Variants in MEGF11 observed in about 807,000 individuals in gnomAD.
The protein encoded by MEGF11 is multiple epidermal growth factor-like domains protein 11.
Under a neutral mutation model 146.6 loss-of-function variants are expected in MEGF11, and 126 were observed. That is an observed-to-expected ratio of 0.86 (90% CI 0.74 to 1.00). The LOEUF (loss-of-function observed/expected upper bound fraction) is 1.00. Among genes scored for constraint, MEGF11 ranks in the 50% least tolerant of loss-of-function variants. MEGF11 has a pLI of 0.00. For missense variants in MEGF11, 1,509 were observed against 1,521.2 expected (o/e 0.99, Z 0.13); for synonymous variants, 532 against 583.4 (o/e 0.91, Z 1.27).
intron 1 of MEGF11, among the ~76,000 whole-genome samples, chr15:66,147,145 C>T (rs149625189): frequency 6.6e-6 from 1 of 152,294 alleles, no homozygotes; most frequent in East Asian, 1.9e-4. Flanking sequence ...TGCTCCAAAG[C>T]CCCAGTCTAA....
At chr15:66,090,955 G>A (rs2086295494) in intron 5 of MEGF11, among the ~76,000 whole-genome samples, 1 of 152,214 alleles carries the variant, frequency 6.6e-6, no homozygotes, top group Non-Finnish European at 1.5e-5. Flanking sequence ...CCAAATGCCA[G>A]CAGTGGTTAT....
chr15:65,916,553 C>T (rs1427396732), intron 17 of MEGF11: 3 of 665,670 alleles, frequency 4.5e-6, no homozygotes, highest in Non-Finnish European at 7.7e-6. Flanking sequence ...CCACTCTGGG[C>T]CCCACTGTCC....
intron 4 of MEGF11, among the ~76,000 whole-genome samples, chr15:66,109,022 C>G (rs753424326): frequency 6.6e-6 from 1 of 152,196 alleles, no homozygotes; most frequent in East Asian, 1.9e-4. Flanking sequence ...GATTAAGAAG[C>G]GATGCCTCAA....
chr15:65,962,440 G>A (rs531664893), intron 9 of MEGF11, among the ~76,000 whole-genome samples: 7 of 152,188 alleles, frequency 4.6e-5, no homozygotes, highest in Admixed American at 2.0e-4. Context: ...TAGAGGCCAG[G>A]GATGCTGCTC....
Position 66,052,563 on chromosome 15 carries a change from T to A in MEGF11, c.394+41839A>T, listed in dbSNP as rs183198311. On this transcript the variant is annotated intron_variant, in intron 5 of 25. Transcript: ENST00000395614. The stretch of plus-strand genomic sequence containing the variant: ...CCCCTGTCTATTCCAGGCCTGCCTG[T>A]TCTTCAAAGCCCAGATCAAATCATG... Among the ~76,000 whole-genome samples the A allele has an allele frequency of 2.0e-3, 308 of 152,312 alleles. 4 individuals carry two copies. Among genetic ancestry groups the A allele is most frequent in the African/African-American group, 6.8e-3 (281 of 41,550 alleles).
At chr15:65,970,482 C>T in intron 8 of MEGF11, 71 bp downstream of exon 8, 1 of 1,518,536 alleles carries the variant, frequency 6.6e-7, no homozygotes, top group Non-Finnish European at 9.0e-7. Context: ...GGGCTATGAG[C>T]TGTTCTCTGC....
At chr15:66,068,345 G>T (rs1235554822) in intron 5 of MEGF11, among the ~76,000 whole-genome samples, 14 of 152,142 alleles carry the variant, frequency 9.2e-5, no homozygotes, top group Admixed American at 9.2e-4. Context: ...CCTTGTGTGG[G>T]CTGTCCTGCA....
At chr15:66,021,625 C>T (rs1303133110) in intron 5 of MEGF11, among the ~76,000 whole-genome samples, 5 of 152,164 alleles carry the variant, frequency 3.3e-5, no homozygotes, top group African/African-American at 1.2e-4. Context: ...ATTCAGCAGC[C>T]AGTGCCCGGG....
At chr15:66,250,122 C>G (rs1299854522) in intron 1 of MEGF11, among the ~76,000 whole-genome samples, 2 of 152,186 alleles carry the variant, frequency 1.3e-5, no homozygotes, top group Non-Finnish European at 2.9e-5. Flanking sequence ...GGATACCTAG[C>G]AAGATCATAG....
chr15:66,123,851 A>G, intron 3 of MEGF11, 48 bp downstream of exon 3: 1 of 1,498,722 alleles, frequency 6.7e-7, no homozygotes, highest in Non-Finnish European at 9.3e-7. Context: ...GCAAGCCCTG[A>G]GAGCCCAGTG....
intron 1 of MEGF11, among the ~76,000 whole-genome samples, chr15:66,154,303 C>CGCTG (rs962973175): frequency 6.6e-6 from 1 of 151,924 alleles, no homozygotes. Context: ...ACCTCGCGCT[C>CGCTG]GCCCACACTC....
At chr15:65,959,612 ATCCT>A (rs2141511662) in intron 9 of MEGF11, among the ~76,000 whole-genome samples, 1 of 152,362 alleles carries the variant, frequency 6.6e-6, no homozygotes, top group Non-Finnish European at 1.5e-5. Flanking sequence ...CTAAGACTCT[ATCCT>A]AAGGAAATAA....
chr15:66,090,791 A>G (rs2086288840), intron 5 of MEGF11, among the ~76,000 whole-genome samples: 1 of 152,258 alleles, frequency 6.6e-6, no homozygotes, highest in Non-Finnish European at 1.5e-5. Flanking sequence ...GAGGAGATTC[A>G]CGTTTATTAA....
chr15:66,049,563 C>T (rs1341552930), intron 5 of MEGF11, among the ~76,000 whole-genome samples: 1 of 152,184 alleles, frequency 6.6e-6, no homozygotes, highest in Non-Finnish European at 1.5e-5. Context: ...CCACCCCATG[C>T]CATTTGCATA....
chr15:66,003,903 C>T (rs1488690603), intron 5 of MEGF11, among the ~76,000 whole-genome samples: 1 of 152,230 alleles, frequency 6.6e-6, no homozygotes, highest in Non-Finnish European at 1.5e-5. Context: ...TCCTGCTCCA[C>T]TCTGTCCCAT....
chr15:66,038,983 T>G (rs1309234645), intron 5 of MEGF11, among the ~76,000 whole-genome samples: 1 of 152,174 alleles, frequency 6.6e-6, no homozygotes, highest in African/African-American at 2.4e-5. Flanking sequence ...GGAATGGTTC[T>G]CAAATTACAG....
intron 1 of MEGF11, among the ~76,000 whole-genome samples, chr15:66,226,357 C>G (rs2140181691): frequency 6.6e-6 from 1 of 152,262 alleles, no homozygotes; most frequent in East Asian, 1.9e-4. Flanking sequence ...AAGTGATTCT[C>G]CTGCCTCAGC....
At chr15:66,217,221 A>G (rs1277212295) in intron 1 of MEGF11, among the ~76,000 whole-genome samples, 1 of 152,238 alleles carries the variant, frequency 6.6e-6, no homozygotes, top group Non-Finnish European at 1.5e-5. Flanking sequence ...GGCACCTCAG[A>G]GACCAGCTGG....
At chr15:65,949,542 G>C (rs1212597010) in intron 10 of MEGF11, among the ~76,000 whole-genome samples, 1 of 152,224 alleles carries the variant, frequency 6.6e-6, no homozygotes, top group Non-Finnish European at 1.5e-5. Context: ...TCATCCTGGG[G>C]AGAAATATGG....
Sources: allele counts gnomAD v4.1 joint callset (sites outside exome capture counted in the v4.1 genomes callset), GRCh38; gene constraint gnomAD v4.1.1; transcripts MANE v1.5; gene names NCBI Gene and HGNC (gene_info 2026-07-23, HGNC 2026-07-21).